Variants in C12orf75 observed in about 807,000 individuals in gnomAD.
C12orf75 encodes the protein overexpressed in colon carcinoma 1 protein.
In C12orf75, 4 loss-of-function variants were observed where a neutral mutation model predicts 11.4. That is an observed-to-expected ratio of 0.35 (90% confidence interval 0.17 to 0.80). C12orf75 has a LOEUF of 0.80. C12orf75 is among the 30% of genes least tolerant of loss of function. The pLI is 0.52. For synonymous variants in C12orf75, 30 were observed against 30.0 expected, an observed-to-expected ratio of 1.00 and a Z score of 0.00; for missense variants, 89 against 80.4, an observed-to-expected ratio of 1.11 and a Z score of -0.41.
At chr12:105,352,802 C>T (rs1412123461) in intron 2 of C12orf75, among the ~76,000 whole-genome samples, 1 of 152,080 alleles carries the variant, frequency 6.6e-6, no homozygotes, top group Admixed American at 6.5e-5. Context: ...GCTAGGTTAA[C>T]CTTCAACACT....
intron 1 of C12orf75, among the ~76,000 whole-genome samples, chr12:105,337,239 G>A (rs1296674598): frequency 6.6e-6 from 1 of 152,142 alleles, no homozygotes; most frequent in Non-Finnish European, 1.5e-5. Flanking sequence ...TGGGAGAATT[G>A]CTTGAACCCA....
At chr12:105,346,789 A>AG (rs1892646851) in intron 1 of C12orf75, among the ~76,000 whole-genome samples, 1 of 152,260 alleles carries the variant, frequency 6.6e-6, no homozygotes, top group Non-Finnish European at 1.5e-5. Context: ...ATTTGGCAAT[A>AG]ACTTTACCCA....
chr12:105,364,617 A>G (rs956087626), intron 2 of C12orf75, among the ~76,000 whole-genome samples: 1 of 152,214 alleles, frequency 6.6e-6, no homozygotes, highest in Admixed American at 6.5e-5. Flanking sequence ...CAATCTCTGA[A>G]TCAGAAGAGT....
intron 2 of C12orf75, 65 bp from the exon 3 acceptor site, chr12:105,365,739 CATA>C: frequency 8.8e-7 from 1 of 1,131,486 alleles, no homozygotes; most frequent in South Asian, 1.3e-5. Flanking sequence ...CCCTTTTTCT[CATA>C]ACCAAAAATG....
intron 2 of C12orf75, among the ~76,000 whole-genome samples, chr12:105,357,809 A>AGAGAGAGAGAGAGAGAGAG (rs1892805786): frequency 9.0e-6 from 1 of 111,532 alleles, no homozygotes; most frequent in Non-Finnish European, 2.0e-5. Context: ...TGTGTGTGTG[A>AGAGAGAGAGAGAGAGAGAG]GAGAGAGAGA....
At chr12:105,354,978 G>A (rs1892756912) in intron 2 of C12orf75, among the ~76,000 whole-genome samples, 1 of 151,816 alleles carries the variant, frequency 6.6e-6, no homozygotes, top group Non-Finnish European at 1.5e-5. Flanking sequence ...ATCGAAAGGA[G>A]GATTTTTTTT....
chr12:105,331,620 AC>A (rs1259713932), intron 1 of C12orf75, among the ~76,000 whole-genome samples: 1 of 151,820 alleles, frequency 6.6e-6, no homozygotes, highest in Non-Finnish European at 1.5e-5. Flanking sequence ...ACACACACAC[AC>A]ACAAATAGAA....
intron 1 of C12orf75, among the ~76,000 whole-genome samples, chr12:105,331,206 G>T (rs1461864037): frequency 6.6e-6 from 1 of 151,928 alleles, no homozygotes; most frequent in Non-Finnish European, 1.5e-5. Context: ...AGCCGCCGGG[G>T]CTCACCTGCA....
intron 2 of C12orf75, among the ~76,000 whole-genome samples, chr12:105,354,931 G>A (rs140097665): frequency 3.9e-5 from 6 of 152,222 alleles, no homozygotes; most frequent in African/African-American, 1.2e-4. Flanking sequence ...AGCTGATGTT[G>A]CAATAAGAAA....
At chr12:105,347,479 T>C (rs748426529) in intron 1 of C12orf75, among the ~76,000 whole-genome samples, 1 of 151,996 alleles carries the variant, frequency 6.6e-6, no homozygotes, top group Non-Finnish European at 1.5e-5. Context: ...AGTCCAAGAG[T>C]CTGAAAGCTG....
At chr12:105,339,240 T>C (rs527408320) in intron 1 of C12orf75, among the ~76,000 whole-genome samples, 5 of 101,902 alleles carry the variant, frequency 4.9e-5, no homozygotes, top group African/African-American at 1.6e-4. Flanking sequence ...TCTGCAGTTA[T>C]ATTTATATAG....
At chr12:105,338,430 T>A (rs1892523010) in intron 1 of C12orf75, among the ~76,000 whole-genome samples, 1 of 152,342 alleles carries the variant, frequency 6.6e-6, no homozygotes, top group Admixed American at 6.5e-5. Flanking sequence ...CGTCTTGGCC[T>A]CCCAGAGTGC....
At chr12:105,348,551 T>C in intron 1 of C12orf75, 51 bp from the exon 2 acceptor site, 1 of 1,335,782 alleles carries the variant, frequency 7.5e-7, no homozygotes, top group Non-Finnish European at 1.0e-6. Context: ...GACAACATTT[T>C]TGTAGCAATA....
At chr12:105,331,591 A>AACACACACACACACAC (rs71440581) in intron 1 of C12orf75, among the ~76,000 whole-genome samples, 94 of 149,288 alleles carry the variant, frequency 6.3e-4, no homozygotes, top group African/African-American at 2.2e-3. Flanking sequence ...CTTTTCATTA[A>AACACACACACACACAC]ACACACACAC....
intron 1 of C12orf75, among the ~76,000 whole-genome samples, chr12:105,347,983 A>G (rs1326062334): frequency 6.6e-6 from 1 of 152,248 alleles, no homozygotes; most frequent in Non-Finnish European, 1.5e-5. Flanking sequence ...TAAAATTCAT[A>G]AAATGTGAGG....
intron 2 of C12orf75, among the ~76,000 whole-genome samples, chr12:105,353,351 G>A (rs920958850): frequency 6.6e-6 from 1 of 152,176 alleles, no homozygotes; most frequent in African/African-American, 2.4e-5. Flanking sequence ...CTTGTAGTTT[G>A]ATCAAAAGTC....
intron 2 of C12orf75, among the ~76,000 whole-genome samples, chr12:105,363,247 A>G (rs1177262668): frequency 6.6e-6 from 1 of 152,254 alleles, no homozygotes; most frequent in Non-Finnish European, 1.5e-5. Context: ...ATGCACGTGC[A>G]GTGTCCTGCA....
chr12:105,352,985 C>T (rs1294030333), intron 2 of C12orf75, among the ~76,000 whole-genome samples: 2 of 152,194 alleles, frequency 1.3e-5, no homozygotes, highest in Admixed American at 6.5e-5. Context: ...TAATGACATT[C>T]GGCCGCTTTC....
chr12:105,345,806 C>T, intron 1 of C12orf75, among the ~76,000 whole-genome samples: 1 of 150,996 alleles, frequency 6.6e-6, no homozygotes, highest in East Asian at 2.0e-4. Flanking sequence ...TTATAGGCGC[C>T]CACCACCACA....
Sources: allele counts gnomAD v4.1 joint callset (sites outside exome capture counted in the v4.1 genomes callset), GRCh38; gene constraint gnomAD v4.1.1; transcripts MANE v1.5; gene names NCBI Gene and HGNC (gene_info 2026-07-23, HGNC 2026-07-21).